The following GOLM1 variants were observed in gnomAD, a reference collection of about 807,000 sequenced individuals.
GOLM1 encodes the protein golgi membrane protein 1.
Under a neutral mutation model 50.5 loss-of-function variants are expected in GOLM1, and 31 were observed. That is an observed-to-expected ratio of 0.61 (90% confidence interval 0.46 to 0.83). GOLM1 has a LOEUF of 0.83. Ranked by LOEUF, GOLM1 falls within the 40% of genes least tolerant of loss-of-function variation. The pLI, the probability that GOLM1 is intolerant of heterozygous loss-of-function variation, is 0.00. For synonymous variants in GOLM1, 178 were observed against 192.8 expected, an observed-to-expected ratio of 0.92 and a Z score of 0.64; for missense variants, 491 against 501.3, an observed-to-expected ratio of 0.98 and a Z score of 0.20.
chr9:86,052,473 G>A, intron 4 of GOLM1, 64 bp downstream of exon 4: 1 of 1,380,210 alleles, frequency 7.2e-7, no homozygotes, highest in Non-Finnish European at 1.0e-6. Context: ...GCCTAGAGAA[G>A]GAGAGAAAGG....
chr9:86,044,223 C>T (rs11141189), intron 5 of GOLM1, among the ~76,000 whole-genome samples: 1 of 152,066 alleles, frequency 6.6e-6, no homozygotes, highest in African/African-American at 2.4e-5. Context: ...ACAAGACTGC[C>T]CCCACGTGAG....
intron 3 of GOLM1, among the ~76,000 whole-genome samples, chr9:86,053,180 ACC>A (rs1833829370): frequency 8.8e-6 from 1 of 113,776 alleles, no homozygotes. Context: ...CAAACCACAC[ACC>A]ACACCCACCA....
intron 1 of GOLM1, among the ~76,000 whole-genome samples, chr9:86,081,598 A>C (rs1834786979): frequency 6.6e-6 from 1 of 151,950 alleles, no homozygotes; most frequent in Non-Finnish European, 1.5e-5. Flanking sequence ...CACACAGTAG[A>C]GTATAAATTG....
chr9:86,070,810 T>A (rs996377595), intron 3 of GOLM1, among the ~76,000 whole-genome samples: 2 of 151,984 alleles, frequency 1.3e-5, no homozygotes, highest in Non-Finnish European at 2.9e-5. Flanking sequence ...AAAACTTAGA[T>A]TGCAAGAAAT....
Position 86,090,786 on chromosome 9 carries a change from C to CAAAAA in GOLM1, c.-22+8620_-22+8624dup, listed in dbSNP as rs776381865. ...GGCGTTCCAAGTGCCACTGGGGTACCAAAAAAAAAAAAAAAAAAAAAAAAA... is the reference window on the plus strand; with the variant it reads ...GGCGTTCCAAGTGCCACTGGGGTACCAAAAAAAAAAAAAAAAAAAAAAAAAAAAAA... On this transcript the variant is annotated intron_variant, in intron 1 of 9. Transcript: ENST00000388712. Among the ~76,000 whole-genome samples, 49 of 41,300 alleles carry CAAAAA rather than the reference C, an allele frequency of 1.2e-3. 1 individual carries two copies. Among genetic ancestry groups the CAAAAA allele is most frequent in the East Asian group, 7.2e-3 (10 of 1,386 alleles). The allele number at this position is 41,300 out of a possible 152,430, so 27.1% of individuals were successfully genotyped here. A position where few individuals can be genotyped will look rare whatever the true frequency, so the allele number is the denominator to read the frequency against.
At chr9:86,041,012 C>T (rs371448126) in intron 5 of GOLM1, 144 bp from the exon 6 acceptor site, 25 of 658,750 alleles carry the variant, frequency 3.8e-5, no homozygotes, top group East Asian at 1.0e-4. Context: ...CAGGGCAACA[C>T]GGGTGTGTGT....
At chr9:86,030,134 C>G (rs1373516061) in intron 9 of GOLM1, among the ~76,000 whole-genome samples, 1 of 147,182 alleles carries the variant, frequency 6.8e-6, no homozygotes, top group Non-Finnish European at 1.5e-5. Flanking sequence ...AGGAGAATCA[C>G]TTAAACCCAG....
chr9:86,072,992 T>C (rs1834494775), intron 3 of GOLM1, among the ~76,000 whole-genome samples: 1 of 152,238 alleles, frequency 6.6e-6, no homozygotes, highest in Non-Finnish European at 1.5e-5. Flanking sequence ...TAGAATTTGA[T>C]GGGTCCATAA....
chr9:86,031,901 G>A (rs1453147344), intron 9 of GOLM1, among the ~76,000 whole-genome samples: 3 of 147,396 alleles, frequency 2.0e-5, no homozygotes, highest in African/African-American at 5.1e-5. Context: ...ACTTCAGCAA[G>A]GGTGACAGAG....
At chr9:86,057,830 C>G (rs960755773) in intron 3 of GOLM1, among the ~76,000 whole-genome samples, 4 of 152,192 alleles carry the variant, frequency 2.6e-5, no homozygotes, top group Admixed American at 6.5e-5. Flanking sequence ...GCCAGGGTGT[C>G]CACCGAGCCT....
chr9:86,086,833 C>A (rs974533163), intron 1 of GOLM1, among the ~76,000 whole-genome samples: 1 of 152,138 alleles, frequency 6.6e-6, no homozygotes, highest in Non-Finnish European at 1.5e-5. Context: ...GGTACCAGTA[C>A]CATGCTGTTT....
chr9:86,052,987 C>CTCCACACCAAACCACACCAT (rs1221148188), intron 3 of GOLM1, among the ~76,000 whole-genome samples: 91 of 39,688 alleles, frequency 2.3e-3, no homozygotes, highest in Middle Eastern at 0.012. Flanking sequence ...AACCACACCA[C>CTCCACACCAAACCACACCAT]GACACACCAA....
chr9:86,028,171 T>C (rs549292720), intron 9 of GOLM1, among the ~76,000 whole-genome samples: 2 of 152,332 alleles, frequency 1.3e-5, no homozygotes, highest in African/African-American at 4.8e-5. Context: ...CAAGGACTCC[T>C]GTCTTCTTGC....
intron 3 of GOLM1, among the ~76,000 whole-genome samples, chr9:86,059,822 C>T (rs1051880400): frequency 1.3e-5 from 2 of 149,598 alleles, no homozygotes; most frequent in Non-Finnish European, 3.0e-5. Context: ...ATCACTTGAA[C>T]CCAGGAGGTG....
intron 1 of GOLM1, among the ~76,000 whole-genome samples, chr9:86,094,630 C>T (rs1057443650): frequency 1.3e-5 from 2 of 152,132 alleles, no homozygotes; most frequent in African/African-American, 4.8e-5. Flanking sequence ...GTTGAACCAC[C>T]GTCAAGAATA....
At chr9:86,099,203 C>A (rs1258077935) in intron 1 of GOLM1, among the ~76,000 whole-genome samples, 1 of 152,020 alleles carries the variant, frequency 6.6e-6, no homozygotes, top group East Asian at 1.9e-4. Flanking sequence ...AGCCGAGGGG[C>A]CCAGGCAGCC....
Position 86,041,008 on chromosome 9 carries a change from A to G in GOLM1, c.468-140T>C, listed in dbSNP as rs563198256. On this transcript the variant is annotated intron_variant, in intron 5 of 9. Transcript: ENST00000388712. The stretch of plus-strand genomic sequence containing the variant: ...CTGAAGAGGGCACTTAAGACAGGGC[A>G]ACACGGGTGTGTGTTCAACAATTAA... 1.6e-5 allele frequency: 11 copies of G among 676,354 alleles called. No homozygotes were observed. The African/African-American group carries it at 1.8e-4, about 11-fold the overall frequency. 41.9% of individuals were successfully genotyped at this position (676,354 alleles called of 1,614,324 possible).
intron 1 of GOLM1, among the ~76,000 whole-genome samples, chr9:86,088,007 A>T (rs1347482570): frequency 2.0e-5 from 3 of 152,178 alleles, no homozygotes; most frequent in African/African-American, 7.2e-5. Flanking sequence ...TAGTTTCAGA[A>T]GGAATGGTAC....
intron 7 of GOLM1, among the ~76,000 whole-genome samples, chr9:86,036,000 G>A (rs1290218138): frequency 6.6e-6 from 1 of 152,110 alleles, no homozygotes; most frequent in Non-Finnish European, 1.5e-5. Context: ...AGCCAGGGCA[G>A]GCAGGCCCAC....
Sources: gnomAD v4.1 joint callset for allele counts (sites outside exome capture counted in the v4.1 genomes callset) on GRCh38, gnomAD v4.1.1 for gene constraint, MANE v1.5 for transcripts, NCBI Gene and HGNC (gene_info 2026-07-23, HGNC 2026-07-21) for gene names.